Variants in ENPP6 observed in about 807,000 individuals in gnomAD.
ENPP6 encodes the protein ectonucleotide pyrophosphatase/phosphodiesterase 6.
Under a neutral mutation model 42.0 loss-of-function variants are expected in ENPP6, and 32 were observed. The ratio of observed to expected loss-of-function variants is 0.76; its 90% confidence interval spans 0.58 to 1.02. ENPP6 has a LOEUF of 1.02. ENPP6 is among the 50% of genes least tolerant of loss of function. ENPP6 has a pLI of 0.00. For missense variants in ENPP6, 552 were observed against 566.8 expected, an observed-to-expected ratio of 0.97 and a Z score of 0.27; for synonymous variants, 213 against 216.0, an observed-to-expected ratio of 0.99 and a Z score of 0.12.
intron 1 of ENPP6, among the ~76,000 whole-genome samples, chr4:184,212,711 C>T (rs1474908898): frequency 1.3e-5 from 2 of 151,766 alleles, no homozygotes; most frequent in African/African-American, 4.9e-5. Flanking sequence ...CTACCAATGC[C>T]TTTCTTCACA....
intron 6 of ENPP6, among the ~76,000 whole-genome samples, chr4:184,103,267 A>G (rs11942971): frequency 0.019 from 2,870 of 152,336 alleles, 96 homozygotes; most frequent in African/African-American, 0.066. Flanking sequence ...TACTGAAAGT[A>G]TAATTCTCAT....
At chr4:184,192,053 A>G (rs1015297783) in intron 1 of ENPP6, among the ~76,000 whole-genome samples, 12 of 152,210 alleles carry the variant, frequency 7.9e-5, no homozygotes, top group African/African-American at 2.7e-4. Context: ...TGGCAATACT[A>G]CCTAAGTTGG....
chr4:184,092,582 G>A (rs1350472832), intron 7 of ENPP6, among the ~76,000 whole-genome samples: 1 of 152,220 alleles, frequency 6.6e-6, no homozygotes, highest in African/African-American at 2.4e-5. Flanking sequence ...GGGCAGATGA[G>A]AGGCAGAATT....
chr4:184,099,698 C>T (rs1735967820), intron 6 of ENPP6, among the ~76,000 whole-genome samples: 3 of 152,222 alleles, frequency 2.0e-5, no homozygotes, highest in African/African-American at 7.2e-5. Flanking sequence ...TTTCCCGCAT[C>T]CCTCGTCCCT....
chr4:184,113,899 T>TTTTCTTTTC (rs1736257244), intron 5 of ENPP6, among the ~76,000 whole-genome samples: 9 of 103,626 alleles, frequency 8.7e-5, no homozygotes, highest in Non-Finnish European at 1.4e-4. Flanking sequence ...CCTTTCTTTC[T>TTTTCTTTTC]TTTCTTTCTT....
intron 6 of ENPP6, among the ~76,000 whole-genome samples, chr4:184,101,968 TTC>T (rs1216955356): frequency 1.3e-5 from 2 of 152,218 alleles, no homozygotes; most frequent in African/African-American, 2.4e-5. Flanking sequence ...GGTGCCTGCA[TTC>T]TCTCTGGGCG....
In ENPP6 at chr4:184,096,466, G is replaced by A. The variant is rs553361550; in HGVS notation, c.1117+779C>T. On this transcript the variant is annotated intron_variant, in intron 7 of 7. Transcript: ENST00000296741. The stretch of plus-strand genomic sequence containing the variant: ...TAGCTCATGAACCAGTCAACTGATG[G>A]TTGATGGCTGTTGGATGATTTTTCT... 3.3e-5 allele frequency among the ~76,000 whole-genome samples: 5 copies of A among 152,314 alleles called. No individual in the cohort carries two copies. The East Asian group carries it at 7.7e-4, about 24-fold the overall frequency.
At chr4:184,132,122 G>A (rs949725963) in intron 2 of ENPP6, among the ~76,000 whole-genome samples, 2 of 152,062 alleles carry the variant, frequency 1.3e-5, no homozygotes, top group African/African-American at 4.8e-5. Flanking sequence ...ATTGGGGAGG[G>A]AAAAATACAT....
chr4:184,207,939 G>A (rs1018970279), intron 1 of ENPP6, among the ~76,000 whole-genome samples: 11 of 152,184 alleles, frequency 7.2e-5, no homozygotes, highest in African/African-American at 2.4e-4. Context: ...TTCTCTGCAC[G>A]TGCGCATGCC....
chr4:184,153,610 G>C lies in ENPP6; in HGVS notation c.365C>G (p.Pro122Arg). 6.2e-7 allele frequency: 1 copy of C among 1,614,150 alleles called. No individual in the cohort carries two copies. The change falls in exon 2 of 8, where the codon CCT becomes CGT. Residue 122 changes from proline to arginine, a missense_variant. Pro to Arg is a moderately radical substitution (Grantham distance 103, BLOSUM62 -2). Transcript: ENST00000296741. The part of the protein sequence containing the change: ...LMPLWWNGSE[P>R]LWVTLTKAKR... Reference sequence around the variant, plus strand: ...GGCCTTGGTCAGAGTGACCCACAGAGGTTCTGATCCATTCCACCAGAGAGG... The same window carrying C: ...GGCCTTGGTCAGAGTGACCCACAGACGTTCTGATCCATTCCACCAGAGAGG...
At chr4:184,146,896 AT>A (rs1299139310) in intron 2 of ENPP6, among the ~76,000 whole-genome samples, 1 of 151,924 alleles carries the variant, frequency 6.6e-6, no homozygotes, top group East Asian at 1.9e-4. Flanking sequence ...TAACAATTAG[AT>A]TTCCTCAAGG....
intron 3 of ENPP6, among the ~76,000 whole-genome samples, chr4:184,119,312 GGTGTGTGTGTGTGTGTGTGTGT>G (rs6148837): frequency 0.025 from 3,567 of 144,130 alleles, 119 homozygotes; most frequent in African/African-American, 0.075. Context: ...TCTGTTTCTT[GGTGTGTGTGTGTGTGTGTGTGT>G]GTGTGTGTGT....
chr4:184,164,145 G>A (rs994987989), intron 1 of ENPP6, among the ~76,000 whole-genome samples: 3 of 152,154 alleles, frequency 2.0e-5, no homozygotes, highest in African/African-American at 7.2e-5. Context: ...TCTAGCTGTG[G>A]CAATTGAGTC....
At chr4:184,137,249 A>G (rs1456865167) in intron 2 of ENPP6, among the ~76,000 whole-genome samples, 1 of 152,074 alleles carries the variant, frequency 6.6e-6, no homozygotes, top group African/African-American at 2.4e-5. Flanking sequence ...GGCACCCACC[A>G]CCACACTTGG....
At chr4:184,196,664 C>T (rs1732805224) in intron 1 of ENPP6, among the ~76,000 whole-genome samples, 1 of 152,148 alleles carries the variant, frequency 6.6e-6, no homozygotes, top group African/African-American at 2.4e-5. Context: ...AAAGCCAGGG[C>T]TTGGGCTGTG....
intron 2 of ENPP6, among the ~76,000 whole-genome samples, chr4:184,126,612 T>G (rs558232683): frequency 7.1e-4 from 108 of 152,270 alleles, no homozygotes; most frequent in African/African-American, 2.5e-3. Flanking sequence ...TGGAAAGGGA[T>G]CTTCCAACTT....
intron 1 of ENPP6, among the ~76,000 whole-genome samples, chr4:184,197,028 T>C (rs1173446467): frequency 3.9e-5 from 6 of 152,262 alleles, no homozygotes; most frequent in African/African-American, 1.4e-4. Flanking sequence ...TTTTAGCTTT[T>C]AGCTGGACGT....
chr4:184,153,580 C>T lies in ENPP6; in HGVS notation c.395G>A (p.Arg132Lys). 1.9e-6 allele frequency: 3 copies of T among 1,614,054 alleles called. No homozygotes were observed. The South Asian group carries it at 3.3e-5, about 18-fold the overall frequency. The change falls in exon 2 of 8, where the codon AGG becomes AAG. Residue 132 changes from arginine (R) to lysine (K), a missense_variant. This residue lies in a region of ENPP6 where 545 missense variants were observed against 546.3 expected (regional missense o/e 1.00). Coordinates refer to ENST00000296741, the MANE Select transcript of ENPP6 (RefSeq NM_153343.4). The part of the protein sequence containing the change: ...PLWVTLTKAK[R>K]KVYMYYWPGC... ...TGGCCAGTAGTACATGTAGACCTTC[C>T]TTTTGGCCTTGGTCAGAGTGACCCA...
chr4:184,094,280 A>G (rs1209189892), intron 7 of ENPP6, among the ~76,000 whole-genome samples: 1 of 152,238 alleles, frequency 6.6e-6, no homozygotes, highest in Non-Finnish European at 1.5e-5. Flanking sequence ...ATCTCTAAAA[A>G]ACAAAACAAA....
Sources: gnomAD v4.1 joint callset for allele counts (sites outside exome capture counted in the v4.1 genomes callset) on GRCh38, gnomAD v4.1.1 for gene constraint, gnomAD v4.1.1 regional missense constraint, MANE v1.5 for transcripts, NCBI Gene and HGNC (gene_info 2026-07-23, HGNC 2026-07-21) for gene names.